Variants in RNF122 observed in about 807,000 individuals in gnomAD.
RNF122 encodes ring finger protein 122.
RNF122 carries 17 observed loss-of-function variants against 24.2 expected under a neutral mutation model. That is an observed-to-expected ratio of 0.70 (90% confidence interval 0.48 to 1.06). The LOEUF (loss-of-function observed/expected upper bound fraction) is 1.06. RNF122 is among the 50% of genes least tolerant of loss of function. The probability of loss-of-function intolerance (pLI) is 0.00; values close to 1 mark genes in which losing one functional copy is unlikely to be tolerated. For synonymous variants in RNF122, 65 were observed against 71.8 expected (o/e 0.91, Z 0.48); for missense variants, 168 against 198.1 (o/e 0.85, Z 0.91).
intron 2 of RNF122, among the ~76,000 whole-genome samples, chr8:33,553,992 G>C (rs1295728820): frequency 1.3e-5 from 2 of 152,220 alleles, no homozygotes; most frequent in Non-Finnish European, 2.9e-5. Flanking sequence ...GCCTAACCAA[G>C]GCTCCCACTG....
chr8:33,551,128 C>G, intron 3 of RNF122, 43 bp from the exon 4 acceptor site: 1 of 1,608,186 alleles, frequency 6.2e-7, no homozygotes, highest in Non-Finnish European at 8.5e-7. Context: ...AAGAACCAAC[C>G]ACTGGGGCCA....
chr8:33,552,818 G>C (rs1810396704), intron 2 of RNF122, among the ~76,000 whole-genome samples: 1 of 151,978 alleles, frequency 6.6e-6, no homozygotes, highest in Non-Finnish European at 1.5e-5. Flanking sequence ...CAGCATTTTG[G>C]GAGGCCGAGG....
At chr8:33,557,194 A>T in intron 2 of RNF122, among the ~76,000 whole-genome samples, 1 of 152,244 alleles carries the variant, frequency 6.6e-6, no homozygotes, top group East Asian at 1.9e-4. Context: ...CCTATTGGCC[A>T]GGGATGTTCA....
intron 2 of RNF122, among the ~76,000 whole-genome samples, chr8:33,553,889 G>A (rs941053235): frequency 2.3e-4 from 35 of 152,318 alleles, no homozygotes; most frequent in African/African-American, 8.2e-4. Context: ...CTCATGCCAC[G>A]GGCTTGGGCA....
At position 33,551,128 on chromosome 8, in the gene RNF122, C is replaced by T. The variant is rs1044720045; in HGVS notation, c.229-43G>A. The T allele has an allele frequency of 9.3e-6, 15 of 1,608,186 alleles. No homozygotes were observed. In the East Asian group the frequency reaches 3.3e-4, roughly 36 times the overall value. ...GCATGATGTCCAAAGAAGAACCAAC[C>T]ACTGGGGCCAGCCAGGTAGTATCAA... On this transcript the variant is annotated intron_variant, in intron 3 of 5. Coordinates refer to ENST00000256257, the MANE Select transcript of RNF122 (RefSeq NM_024787.3).
rs554603743 is a variant in RNF122 at position 33,548,262 on chromosome 8, C to T, written c.*491G>A. 6.5e-6 allele frequency: 1 copy of T among 152,870 alleles called. No individual in the cohort carries two copies. The highest frequency in any genetic ancestry group is 1.5e-5 in the Non-Finnish European group (1 of 68,154). The allele number at this position is 152,870 out of a possible 1,614,324, so 9.5% of individuals were successfully genotyped here. ...CTTCTGTTTCATACAGAGCCTCCCT[C>T]GCCTCCCGTGGAGGCGCTTGGTTCC... On this transcript the variant is annotated 3_prime_UTR_variant, in exon 6 of 6. Coordinates refer to ENST00000256257, the MANE Select transcript of RNF122 (RefSeq NM_024787.3).
chr8:33,548,731 G>A lies in RNF122; in HGVS notation c.*22C>T, dbSNP rs761753833. On this transcript the variant is annotated 3_prime_UTR_variant, in exon 6 of 6. Transcript: ENST00000256257. The stretch of plus-strand genomic sequence containing the variant: ...TCCATGAGGCAAGAGGTCTTCTCCA[G>A]GTCTCGGTGTAGCGGCAGCACTCAC... The A allele has an allele frequency of 6.7e-7, 1 of 1,485,794 alleles. No homozygotes were observed. The highest frequency in any genetic ancestry group is 1.1e-5 in the South Asian group (1 of 88,528). 92.0% of individuals were successfully genotyped at this position (1,485,794 alleles called of 1,614,324 possible).
At chr8:33,556,263 C>T (rs985321546) in intron 2 of RNF122, among the ~76,000 whole-genome samples, 34 of 151,472 alleles carry the variant, frequency 2.2e-4, no homozygotes, top group Admixed American at 8.5e-4. Context: ...TGGTCACCCA[C>T]TTCCTAGCCT....
intron 2 of RNF122, among the ~76,000 whole-genome samples, chr8:33,557,807 T>TTTTGG (rs1810477997): frequency 6.6e-6 from 1 of 151,680 alleles, no homozygotes; most frequent in East Asian, 1.9e-4. Flanking sequence ...TTTGTTTTGG[T>TTTTGG]TTTTTCCACT....
At chr8:33,554,811 C>T (rs576708031) in intron 2 of RNF122, among the ~76,000 whole-genome samples, 1 of 152,314 alleles carries the variant, frequency 6.6e-6, no homozygotes, top group South Asian at 2.1e-4. Context: ...CCTATTTGTA[C>T]TTCCCCGGCC....
chr8:33,548,819 G>C lies in RNF122; in HGVS notation c.402C>G (p.Asn134Lys). The C allele has an allele frequency of 6.2e-6, 10 of 1,614,060 alleles. No homozygotes were observed. The highest frequency in any genetic ancestry group is 8.5e-6 in the Non-Finnish European group (10 of 1,180,000). ...CCTCTGAGGGACTAGCAATGGGCTT[G>C]TTACACATGGGGCAGACACAGCGAA... is the stretch of plus-strand genomic sequence containing the variant. ...LEVRCVCPMCNKPIASPSEAT... is the reference protein window; with the variant it reads ...LEVRCVCPMCKKPIASPSEAT... The change falls in exon 6 of 6, where the codon AAC (asparagine) becomes AAG (lysine). Residue 134 changes from asparagine to lysine, a missense_variant. Transcript: ENST00000256257.
chr8:33,563,069 C>T (rs769737787), intron 1 of RNF122, among the ~76,000 whole-genome samples: 36 of 150,610 alleles, frequency 2.4e-4, no homozygotes, highest in Admixed American at 4.7e-4. Flanking sequence ...GCTGAGATGG[C>T]GCCACTGTGC....
chr8:33,558,762 CA>C lies in RNF122; in HGVS notation c.34del (p.Cys12ValfsTer95). The C allele has an allele frequency of 6.4e-7, 1 of 1,567,314 alleles. No homozygotes were observed. Reference sequence around the variant, plus strand: ...GTTGGTGCTAACCAGTCCCAGGCCACAGAAACACCCTGCAAAGGGAGAGAAA... The same window carrying C: ...GTTGGTGCTAACCAGTCCCAGGCCACGAAACACCCTGCAAAGGGAGAGAAA... ...HPFQWCNGCFCGLGLVSTNKS... is the reference protein window; with the variant it reads ...HPFQWCNGCFXGLGLVSTNKS... On this transcript the variant is annotated frameshift_variant, in exon 2 of 6. Coordinates refer to ENST00000256257, the MANE Select transcript of RNF122 (RefSeq NM_024787.3). LOFTEE classifies it high-confidence loss of function.
At chr8:33,564,754 C>T (rs1338746108) in intron 1 of RNF122, among the ~76,000 whole-genome samples, 1 of 152,128 alleles carries the variant, frequency 6.6e-6, no homozygotes, top group African/African-American at 2.4e-5. Flanking sequence ...TGCCTGTAAT[C>T]CCAGGTACTC....
At chr8:33,563,879 C>T (rs754436) in intron 1 of RNF122, among the ~76,000 whole-genome samples, 90,301 of 151,910 alleles carry the variant, frequency 0.59, 28,286 homozygotes, top group African/African-American at 0.8. Context: ...GATATCTGTG[C>T]ACTCCACAAG....
In RNF122 at chr8:33,558,891, G is replaced by A. The variant is rs902821307; in HGVS notation, c.26-120C>T. ...TGGGCACCTAAGCCTCAGATTCAGT[G>A]GCTCCAGTTTTATATCCTAGTTCTA... On this transcript the variant is annotated intron_variant, in intron 1 of 5. Coordinates refer to ENST00000256257, the MANE Select transcript of RNF122 (RefSeq NM_024787.3). The A allele has an allele frequency of 4.3e-5, 28 of 645,322 alleles. 1 individual carries two copies. The highest frequency in any genetic ancestry group is 1.7e-5 in the Non-Finnish European group (7 of 409,758). 40.0% of individuals were successfully genotyped at this position (645,322 alleles called of 1,614,324 possible). A position where few individuals can be genotyped will look rare whatever the true frequency, so the allele number is the denominator to read the frequency against.
At chr8:33,553,757 T>C (rs1810410657) in intron 2 of RNF122, among the ~76,000 whole-genome samples, 1 of 152,154 alleles carries the variant, frequency 6.6e-6, no homozygotes, top group African/African-American at 2.4e-5. Flanking sequence ...GCCAGGCCCG[T>C]AGCACAGTGC....
At chr8:33,565,535 AGTATCCAAG>A (rs965277413) in intron 1 of RNF122, among the ~76,000 whole-genome samples, 9 of 152,184 alleles carry the variant, frequency 5.9e-5, no homozygotes, top group African/African-American at 2.2e-4. Context: ...GGGGGCGATT[AGTATCCAAG>A]GTTTTGAAGT....
chr8:33,563,528 C>T (rs368384434), intron 1 of RNF122, among the ~76,000 whole-genome samples: 1 of 152,196 alleles, frequency 6.6e-6, no homozygotes. Flanking sequence ...TGTGTCTAGG[C>T]TCTAGTAGGG....
Sources: gnomAD v4.1 joint callset for allele counts (sites outside exome capture counted in the v4.1 genomes callset) on GRCh38, gnomAD v4.1.1 for gene constraint, MANE v1.5 for transcripts, NCBI Gene and HGNC (gene_info 2026-07-23, HGNC 2026-07-21) for gene names.